The following CTNND2 variants were observed in gnomAD, a reference collection of about 807,000 sequenced individuals.
CTNND2 encodes the protein catenin delta 2.
In CTNND2, 22 loss-of-function variants were observed where a neutral mutation model predicts 144.4. The observed-to-expected ratio is 0.15, with a 90% CI of 0.11 to 0.22. The LOEUF is 0.22. CTNND2 is among the 10% of genes least tolerant of loss of function. The pLI is 1.00. For missense variants in CTNND2, 1,353 were observed against 1,618.8 expected, an observed-to-expected ratio of 0.84 and a Z score of 2.82; for synonymous variants, 751 against 695.6, an observed-to-expected ratio of 1.08 and a Z score of -1.25.
chr5:11,624,852 T>C (rs1781067224), intron 2 of CTNND2, among the ~76,000 whole-genome samples: 2 of 152,076 alleles, frequency 1.3e-5, no homozygotes, highest in South Asian at 4.1e-4. Context: ...TACCTATACA[T>C]TTATTCCATA....
intron 2 of CTNND2, among the ~76,000 whole-genome samples, chr5:11,721,239 T>C (rs10039742): frequency 0.012 from 1,769 of 152,276 alleles, 28 homozygotes; most frequent in African/African-American, 0.04. Flanking sequence ...TATAATTCCA[T>C]TTACATAAAA....
At chr5:11,731,855 T>A (rs1787407172) in intron 2 of CTNND2, among the ~76,000 whole-genome samples, 1 of 152,212 alleles carries the variant, frequency 6.6e-6, no homozygotes, top group Non-Finnish European at 1.5e-5. Context: ...GTATTAAATG[T>A]CAGGTCCATC....
At chr5:11,293,510 T>G (rs1748583015) in intron 9 of CTNND2, among the ~76,000 whole-genome samples, 1 of 152,206 alleles carries the variant, frequency 6.6e-6, no homozygotes, top group South Asian at 2.1e-4. Flanking sequence ...ACATTTTTAC[T>G]GTTTCTTTTA....
chr5:11,729,572 A>G (rs1286983590), intron 2 of CTNND2, among the ~76,000 whole-genome samples: 2 of 152,222 alleles, frequency 1.3e-5, no homozygotes, highest in Non-Finnish European at 2.9e-5. Context: ...ATTTATAGAA[A>G]GAATATAACA....
chr5:11,346,845 G>A (rs1754845498), intron 8 of CTNND2, among the ~76,000 whole-genome samples: 1 of 152,204 alleles, frequency 6.6e-6, no homozygotes, highest in African/African-American at 2.4e-5. Context: ...CAGGTATGGG[G>A]GGAATGCATC....
chr5:11,743,340 G>C (rs961849073), intron 1 of CTNND2, among the ~76,000 whole-genome samples: 4 of 152,098 alleles, frequency 2.6e-5, no homozygotes, highest in Admixed American at 6.6e-5. Context: ...TTCAACTCAA[G>C]ATAGCTGCTT....
At chr5:11,290,042 C>A (rs1166639370) in intron 9 of CTNND2, among the ~76,000 whole-genome samples, 1 of 152,122 alleles carries the variant, frequency 6.6e-6, no homozygotes, top group East Asian at 1.9e-4. Context: ...GAGTATAGAG[C>A]AACACATTTT....
At chr5:11,560,978 A>T (rs1408854762) in intron 3 of CTNND2, among the ~76,000 whole-genome samples, 1 of 152,174 alleles carries the variant, frequency 6.6e-6, no homozygotes, top group African/African-American at 2.4e-5. Context: ...GTTAACGGAG[A>T]GTATGACAAG....
chr5:11,319,582 A>G (rs1018851296), intron 9 of CTNND2, among the ~76,000 whole-genome samples: 11 of 152,114 alleles, frequency 7.2e-5, no homozygotes, highest in African/African-American at 1.4e-4. Flanking sequence ...GTGCAATGGC[A>G]CAATCTCAGA....
intron 2 of CTNND2, among the ~76,000 whole-genome samples, chr5:11,640,078 T>C (rs1781918152): frequency 6.6e-6 from 1 of 152,246 alleles, no homozygotes; most frequent in South Asian, 2.1e-4. Context: ...AGCTTATGAC[T>C]GGAGATGAAT....
At chr5:11,746,858 C>T (rs1788341189) in intron 1 of CTNND2, among the ~76,000 whole-genome samples, 1 of 152,142 alleles carries the variant, frequency 6.6e-6, no homozygotes, top group African/African-American at 2.4e-5. Flanking sequence ...ACACGTACAA[C>T]ACTGGCACAT....
chr5:10,991,881 A>G (rs1738716897), intron 19 of CTNND2, among the ~76,000 whole-genome samples: 2 of 152,224 alleles, frequency 1.3e-5, no homozygotes, highest in Admixed American at 1.3e-4. Context: ...TTTTATCCCA[A>G]TTATGACAAA....
intron 9 of CTNND2, among the ~76,000 whole-genome samples, chr5:11,345,063 T>C (rs1385058819): frequency 6.6e-6 from 1 of 152,212 alleles, no homozygotes; most frequent in Non-Finnish European, 1.5e-5. Context: ...TTAGCATTTC[T>C]TAAGGGTTCA....
chr5:11,556,724 A>G (rs1438678317), intron 3 of CTNND2, among the ~76,000 whole-genome samples: 1 of 147,476 alleles, frequency 6.8e-6, no homozygotes, highest in African/African-American at 2.5e-5. Context: ...CCTAATATCC[A>G]AAGTATGGCA....
rs192948916 is a variant in CTNND2 at position 11,650,505 on chromosome 5, C to T, written c.174+81631G>A. The stretch of plus-strand genomic sequence containing the variant: ...AGTGACTTTGGAACTGGATAATGGG[C>T]AGAGGTTGGACTAGTTTGAAGGGGT... On this transcript the variant is annotated intron_variant, in intron 2 of 21. Transcript: ENST00000304623. 6.6e-5 allele frequency among the ~76,000 whole-genome samples: 10 copies of T among 152,238 alleles called. No individual in the cohort carries two copies. The East Asian group carries it at 1.9e-3, about 29-fold the overall frequency.
intron 9 of CTNND2, among the ~76,000 whole-genome samples, chr5:11,300,014 G>C (rs964074666): frequency 1.3e-5 from 2 of 152,174 alleles, no homozygotes. Flanking sequence ...GAAATGGGCA[G>C]CTTTCAGGGC....
chr5:11,809,459 A>G (rs1470491381), intron 1 of CTNND2, among the ~76,000 whole-genome samples: 1 of 152,216 alleles, frequency 6.6e-6, no homozygotes, highest in Non-Finnish European at 1.5e-5. Context: ...TAATTTTATT[A>G]CCTAACTGAA....
rs1000560974 is a variant in CTNND2 at position 11,750,073 on chromosome 5, T to C, written c.38-17801A>G. 8.6e-5 allele frequency among the ~76,000 whole-genome samples: 13 copies of C among 151,940 alleles called. No individual in the cohort carries two copies. The East Asian group carries it at 2.5e-3, about 29-fold the overall frequency. ...TCCTATTCTTCAACTAGTACCTTTCTGGTCTTGGTATGAACCAACTGCATA... is the reference window on the plus strand; with the variant it reads ...TCCTATTCTTCAACTAGTACCTTTCCGGTCTTGGTATGAACCAACTGCATA... On this transcript the variant is annotated intron_variant, in intron 1 of 21. Transcript: ENST00000304623.
At chr5:11,138,609 C>T (rs1484949364) in intron 12 of CTNND2, among the ~76,000 whole-genome samples, 2 of 152,144 alleles carry the variant, frequency 1.3e-5, no homozygotes, top group Non-Finnish European at 1.5e-5. Flanking sequence ...GATACCTTGT[C>T]GGGTCTGTGA....
Sources: allele counts gnomAD v4.1 joint callset (sites outside exome capture counted in the v4.1 genomes callset), GRCh38; gene constraint gnomAD v4.1.1; transcripts MANE v1.5; gene names NCBI Gene and HGNC (gene_info 2026-07-23, HGNC 2026-07-21).